Variants in CACNA1E observed in about 807,000 individuals in gnomAD.
CACNA1E encodes calcium voltage-gated channel subunit alpha1 E.
CACNA1E carries 40 observed loss-of-function variants against 259.2 expected under a neutral mutation model. The ratio of observed to expected loss-of-function variants is 0.15; its 90% CI spans 0.12 to 0.20. The LOEUF (loss-of-function observed/expected upper bound fraction) is 0.20, where lower values mean the gene tolerates loss of function less well. CACNA1E is among the 10% of genes least tolerant of loss of function. The pLI, the probability that CACNA1E is intolerant of heterozygous loss-of-function variation, is 1.00. For missense variants in CACNA1E, 1,874 were observed against 3,040.1 expected (o/e 0.62, Z 9.02); for synonymous variants, 1,104 against 1,138.5 (o/e 0.97, Z 0.61).
At chr1:181,536,050 T>C (rs975787816) in intron 3 of CACNA1E, among the ~76,000 whole-genome samples, 2 of 152,200 alleles carry the variant, frequency 1.3e-5, no homozygotes, top group Non-Finnish European at 2.9e-5. Context: ...TAGCATTTTT[T>C]CCTTACTTTT....
At chr1:181,617,717 CAGAA>C (rs1655350168) in intron 6 of CACNA1E, among the ~76,000 whole-genome samples, 1 of 152,182 alleles carries the variant, frequency 6.6e-6, no homozygotes, top group South Asian at 2.1e-4. Flanking sequence ...TGTTCTCTCA[CAGAA>C]AGATTGCCTC....
chr1:181,609,651 T>C lies in CACNA1E; in HGVS notation c.951+28875T>C, dbSNP rs114034597. Among the ~76,000 whole-genome samples the C allele has an allele frequency of 5.6e-3, 853 of 152,322 alleles. 10 individuals carry two copies. The highest frequency in any genetic ancestry group is 0.019 in the African/African-American group (808 of 41,568). ...TGTGTGCAAGTTATGAGAAAATTGC[T>C]AATAAACCAATGCAAATCATCATTT... On this transcript the variant is annotated intron_variant, in intron 6 of 47. Transcript: ENST00000367573.
In CACNA1E at chr1:181,586,455, G is replaced by T. The variant is rs1029559854; in HGVS notation, c.951+5679G>T. Among the ~76,000 whole-genome samples, 6 of 152,172 alleles carry T rather than the reference G, an allele frequency of 3.9e-5. No individual in the cohort carries two copies. The South Asian group carries it at 1.2e-3, about 32-fold the overall frequency. On this transcript the variant is annotated intron_variant, in intron 6 of 47. Coordinates refer to ENST00000367573, the MANE Select transcript of CACNA1E (RefSeq NM_001205293.3). The stretch of plus-strand genomic sequence containing the variant: ...GGAAGAGAGGAGATTCCAGGACTGA[G>T]TTCTGATGTTAAGGTGAAGAGGAAA...
chr1:181,563,511 T>C (rs1319417570), intron 3 of CACNA1E, among the ~76,000 whole-genome samples: 1 of 152,154 alleles, frequency 6.6e-6, no homozygotes. Flanking sequence ...TTCCTCATAC[T>C]TTGAAAGATC....
chr1:181,424,192 C>T (rs551176059), intron 2 of CACNA1E, among the ~76,000 whole-genome samples: 57 of 152,324 alleles, frequency 3.7e-4, no homozygotes, highest in African/African-American at 1.3e-3. Flanking sequence ...AAGAAGAGAC[C>T]GGAGCACATG....
chr1:181,721,736 G>T, intron 15 of CACNA1E, 22 bp from the exon 16 acceptor site: 3 of 1,504,976 alleles, frequency 2.0e-6, no homozygotes, highest in Non-Finnish European at 2.8e-6. Flanking sequence ...TTTCTGATGC[G>T]CCTGTCATTT....
chr1:181,604,117 TC>T lies in CACNA1E; in HGVS notation c.951+23342del, dbSNP rs202174923. ...CACCCATCCTGACTTGGAAGGAAGG[TC>T]TTTGTTGACTCCATGAATGGCACCC... On this transcript the variant is annotated intron_variant, in intron 6 of 47. Transcript: ENST00000367573. 7.9e-3 allele frequency among the ~76,000 whole-genome samples: 1,204 copies of T among 152,240 alleles called. 17 individuals carry two copies. Among genetic ancestry groups the T allele is most frequent in the African/African-American group, 0.028 (1,150 of 41,546 alleles).
intron 7 of CACNA1E, among the ~76,000 whole-genome samples, chr1:181,687,994 G>T (rs1227371097): frequency 6.6e-6 from 1 of 151,892 alleles, no homozygotes; most frequent in Non-Finnish European, 1.5e-5. Context: ...ATGGTTCATT[G>T]ACTTCCAAAC....
At chr1:181,538,369 T>C (rs1202731837) in intron 3 of CACNA1E, among the ~76,000 whole-genome samples, 1 of 152,242 alleles carries the variant, frequency 6.6e-6, no homozygotes, top group Non-Finnish European at 1.5e-5. Context: ...TTTTTATACA[T>C]GCTGCATGAG....
intron 11 of CACNA1E, among the ~76,000 whole-genome samples, chr1:181,717,674 C>T (rs146902164): frequency 1.1e-3 from 166 of 152,194 alleles, no homozygotes; most frequent in African/African-American, 3.7e-3. Context: ...GCTTATAGGT[C>T]AGCTCCAGAT....
chr1:181,518,783 G>C (rs182520219), intron 3 of CACNA1E, among the ~76,000 whole-genome samples: 2 of 152,264 alleles, frequency 1.3e-5, no homozygotes, highest in African/African-American at 4.8e-5. Context: ...ATTGGTGTTG[G>C]GATGGTTTCT....
chr1:181,332,567 T>C (rs1167344779), intron 1 of CACNA1E, among the ~76,000 whole-genome samples: 1 of 152,240 alleles, frequency 6.6e-6, no homozygotes, highest in Non-Finnish European at 1.5e-5. Flanking sequence ...AGATTTGCAC[T>C]GTTATCAGCC....
intron 6 of CACNA1E, among the ~76,000 whole-genome samples, chr1:181,636,976 C>T (rs1657271438): frequency 6.6e-6 from 1 of 152,192 alleles, no homozygotes; most frequent in Admixed American, 6.5e-5. Context: ...CTCCCCTCTT[C>T]AATATGCACC....
chr1:181,513,925 C>CAA (rs1414143818), intron 3 of CACNA1E, among the ~76,000 whole-genome samples: 1 of 152,200 alleles, frequency 6.6e-6, no homozygotes, highest in Non-Finnish European at 1.5e-5. Context: ...ATTGCCTTCA[C>CAA]AGGCCCCTGA....
chr1:181,463,197 A>G (rs1365928592), intron 2 of CACNA1E, among the ~76,000 whole-genome samples: 21 of 152,198 alleles, frequency 1.4e-4, no homozygotes, highest in Admixed American at 1.2e-3. Flanking sequence ...TATAAATTAG[A>G]CACAGGAAGA....
chr1:181,399,096 G>T (rs1322939866), intron 1 of CACNA1E, among the ~76,000 whole-genome samples: 1 of 152,104 alleles, frequency 6.6e-6, no homozygotes, highest in Admixed American at 6.5e-5. Flanking sequence ...ATTCTTCCCA[G>T]TATTGTGACC....
chr1:181,431,332 G>A (rs1659702312), intron 2 of CACNA1E, among the ~76,000 whole-genome samples: 1 of 152,148 alleles, frequency 6.6e-6, no homozygotes, highest in African/African-American at 2.4e-5. Context: ...AAACTCAGAG[G>A]TAAGTAATTT....
chr1:181,575,541 A>G (rs896207239), intron 3 of CACNA1E, among the ~76,000 whole-genome samples: 2 of 151,920 alleles, frequency 1.3e-5, no homozygotes, highest in East Asian at 1.9e-4. Flanking sequence ...TTTCCCCTCT[A>G]CATTTGAGCC....
intron 6 of CACNA1E, among the ~76,000 whole-genome samples, chr1:181,635,604 G>C (rs116713597): frequency 0.012 from 1,767 of 152,254 alleles, 34 homozygotes; most frequent in African/African-American, 0.04. Context: ...AACACAGATT[G>C]CTGAGCTTCC....
Sources: allele counts gnomAD v4.1 joint callset (sites outside exome capture counted in the v4.1 genomes callset), GRCh38; gene constraint gnomAD v4.1.1; transcripts MANE v1.5; gene names NCBI Gene and HGNC (gene_info 2026-07-23, HGNC 2026-07-21).